The following NEURL4 variants were observed in gnomAD, a reference collection of about 807,000 sequenced individuals.
NEURL4 encodes neuralized E3 ubiquitin protein ligase 4, also known as neuralized-like protein 4.
Under a neutral mutation model 148.0 loss-of-function variants are expected in NEURL4, and 45 were observed. The ratio of observed to expected loss-of-function variants is 0.30; its 90% CI spans 0.24 to 0.39. The LOEUF (loss-of-function observed/expected upper bound fraction) is 0.39, where lower values mean the gene tolerates loss of function less well. Among genes scored for constraint, NEURL4 ranks in the 10% least tolerant of loss-of-function variants. The pLI, the probability that NEURL4 is intolerant of heterozygous loss-of-function variation, is 1.00. For missense variants in NEURL4, 1,776 were observed against 2,144.0 expected, an observed-to-expected ratio of 0.83 and a Z score of 3.39; for synonymous variants, 854 against 869.0, an observed-to-expected ratio of 0.98 and a Z score of 0.30.
Position 7,318,870 on chromosome 17 carries a change from C to T in NEURL4, c.3684+180G>A, listed in dbSNP as rs2072988107. 3.4e-6 allele frequency: 3 copies of T among 894,200 alleles called. No individual in the cohort carries two copies. The highest frequency in any genetic ancestry group is 5.0e-6 in the Non-Finnish European group (3 of 599,486). The allele number at this position is 894,200 out of a possible 1,614,324, so 55.4% of individuals were successfully genotyped here. On this transcript the variant is annotated intron_variant, in intron 22 of 28. Coordinates refer to ENST00000399464, the MANE Select transcript of NEURL4 (RefSeq NM_032442.3). The surrounding 1 kb of genome is among the most constrained non-coding windows in gnomAD (Gnocchi z 4.3). ...GGCACATTCTCAATGGCAGGGACAC[C>T]GCAGGAAGCAGCAGGCCTAAGACTG...
chr17:7,323,775 G>A (rs372759234), intron 12 of NEURL4, 39 bp downstream of exon 12: 12 of 1,613,804 alleles, frequency 7.4e-6, no homozygotes, highest in African/African-American at 2.7e-5. Context: ...CTGAGGCTGG[G>A]CAGGAGGAAG....
rs1387499692 is a variant in NEURL4, at chr17:7,324,121, A to G, written c.2049T>C (p.Ile683=). 1.2e-6 allele frequency: 2 copies of G among 1,613,002 alleles called. No homozygotes were observed. The highest frequency in any genetic ancestry group is 1.1e-5 in the South Asian group (1 of 91,088). Residue 683 remains isoleucine (I), a synonymous_variant, in exon 11 of 29, where the codon ATT becomes ATC. Transcript: ENST00000399464. The surrounding 1 kb of genome is among the most constrained non-coding windows in gnomAD (Gnocchi z 5.9). The part of the protein sequence containing the change: ...DLYGQAAQAT[I]VDDVEVAPVP... ...CCCGGCCCTCACCCACGTCGTCCAC[A>G]ATGGTGGCCTGGGCCGCCTGGCCAT...
At position 7,323,492 on chromosome 17, in the gene NEURL4, T is replaced by A; in HGVS notation, c.2410A>T (p.Met804Leu). ...CAAAGCAGGAAGCCCAACCTCAGCA[T>A]CCATGTGTCATAGTCAATGTCTGTC... ...TMTDIDYDTWMLSGTAIMQDG... is the reference protein window; with the variant it reads ...TMTDIDYDTWLLSGTAIMQDG... Residue 804 changes from methionine to leucine, a missense_variant, in exon 14 of 29, where the codon ATG becomes TTG. Met to Leu is a conservative substitution (Grantham distance 15, BLOSUM62 2). Coordinates refer to ENST00000399464, the MANE Select transcript of NEURL4 (RefSeq NM_032442.3). 2 of 1,614,158 alleles carry A rather than the reference T, an allele frequency of 1.2e-6. No individual in the cohort carries two copies. Among genetic ancestry groups the A allele is most frequent in the Non-Finnish European group, 1.7e-6 (2 of 1,180,006 alleles).
In NEURL4 at chr17:7,315,950, G is replaced by C. The variant is rs966331039; in HGVS notation, c.*173C>G. ...ACGGAGTGCTGGGCCTCCGGACATGGAGCTGTGCCACTTGCCACCTACATC... is the reference window on the plus strand; with the variant it reads ...ACGGAGTGCTGGGCCTCCGGACATGCAGCTGTGCCACTTGCCACCTACATC... On this transcript the variant is annotated 3_prime_UTR_variant, in exon 29 of 29. Transcript: ENST00000399464. 1 of 609,174 alleles carries C rather than the reference G, an allele frequency of 1.6e-6. No homozygotes were observed. Among genetic ancestry groups the C allele is most frequent in the African/African-American group, 1.8e-5 (1 of 54,226 alleles). The allele number at this position is 609,174 out of a possible 1,614,324, so 37.7% of individuals were successfully genotyped here.
rs377003628 is a variant in NEURL4, at chr17:7,326,892, C to A, written c.911G>T (p.Ser304Ile). 8.1e-6 allele frequency: 13 copies of A among 1,613,908 alleles called. No individual in the cohort carries two copies. In the African/African-American group the frequency reaches 1.7e-4, roughly 22 times the overall value. The part of the protein sequence containing the change: ...SPPAGEGLGS[S>I]GAATSPILTS... ...GAGAATGGGCGAGGTGGCAGCACCG[C>A]TAGATCCCAGGCCTTCCCCTGCCGG... Residue 304 changes from serine to isoleucine, a missense_variant, in exon 4 of 29, where the codon AGC becomes ATC. Transcript: ENST00000399464. The surrounding 1 kb of genome is among the most constrained non-coding windows in gnomAD (Gnocchi z 6.0).
In NEURL4 at chr17:7,326,812, T is replaced by C; in HGVS notation, c.991A>G (p.Ser331Gly). ...HEKCGTLIKLSNNNKTAERRR... is the reference protein window; with the variant it reads ...HEKCGTLIKLGNNNKTAERRR... ...CGCTCAGCCGTCTTATTATTGTTGCTGAGTTTGATGAGGGTCCCGCACTTT... is the reference window on the plus strand; with the variant it reads ...CGCTCAGCCGTCTTATTATTGTTGCCGAGTTTGATGAGGGTCCCGCACTTT... Residue 331 changes from serine (S) to glycine (G), a missense_variant, in exon 4 of 29, where the codon AGC (serine) becomes GGC (glycine). Ser to Gly is a moderately conservative substitution (Grantham distance 56). Transcript: ENST00000399464. The surrounding 1 kb of genome is among the most constrained non-coding windows in gnomAD (Gnocchi z 6.0). The C allele has an allele frequency of 6.2e-7, 1 of 1,612,894 alleles. No individual in the cohort carries two copies. The highest frequency in any genetic ancestry group is 8.5e-7 in the Non-Finnish European group (1 of 1,179,682).
Position 7,327,960 on chromosome 17 carries a change from TCA to T in NEURL4, c.283-78_283-77del. ...ACAGGCCACCATATCTTCCCACCTC[TCA>T]GACAGCTAGCTGGCTTTCTGTCTCT... On this transcript the variant is annotated intron_variant, in intron 1 of 28. Transcript: ENST00000399464. The surrounding 1 kb of genome is among the most constrained non-coding windows in gnomAD (Gnocchi z 6.6). The T allele has an allele frequency of 1.7e-6, 2 of 1,174,714 alleles. No individual in the cohort carries two copies. The highest frequency in any genetic ancestry group is 2.4e-6 in the Non-Finnish European group (2 of 847,476). The allele number at this position is 1,174,714 out of a possible 1,614,324, so 72.8% of individuals were successfully genotyped here.
Position 7,327,651 on chromosome 17 carries a change from C to G in NEURL4, c.516G>C (p.Trp172Cys). 1 of 1,613,720 alleles carries G rather than the reference C, an allele frequency of 6.2e-7. No individual in the cohort carries two copies. The highest frequency in any genetic ancestry group is 8.5e-7 in the Non-Finnish European group (1 of 1,179,992). Residue 172 changes from tryptophan (W) to cysteine (C), a missense_variant, in exon 2 of 29, where the codon TGG becomes TGC. Trp to Cys is a radical substitution (Grantham distance 215). Transcript: ENST00000399464. The surrounding 1 kb of genome is among the most constrained non-coding windows in gnomAD (Gnocchi z 6.6). ...ERTVAGELRL[W>C]VNGRDCGVAA... ...CCACACCGCAATCCCGCCCATTCAC[C>G]CAGAGCCGAAGCTCCCCAGCAACTG... is the stretch of plus-strand genomic sequence containing the variant.
chr17:7,324,756 C>T lies in NEURL4; in HGVS notation c.1813+43G>A. 1.3e-6 allele frequency: 2 copies of T among 1,592,370 alleles called. No individual in the cohort carries two copies. The highest frequency in any genetic ancestry group is 1.7e-6 in the Non-Finnish European group (2 of 1,161,488). ...GTGCCAGGGCTTTGGGGATAGCTTC[C>T]CCCCAAAACCCTATCCTGTCCCTGC... On this transcript the variant is annotated intron_variant, in intron 9 of 28. Transcript: ENST00000399464. This position sits in a 1 kb window ranked among gnomAD's most constrained non-coding sequence, Gnocchi z 5.9.
chr17:7,317,744 G>GAA, intron 26 of NEURL4, 44 bp downstream of exon 26: 1 of 1,605,658 alleles, frequency 6.2e-7, no homozygotes, highest in Non-Finnish European at 8.5e-7. Context: ...CGTTTCTCCA[G>GAA]GGGGAAAACA....
chr17:7,327,794 C>T lies in NEURL4; in HGVS notation c.373G>A (p.Gly125Arg), dbSNP rs778898477. 6 of 1,613,992 alleles carry T rather than the reference C, an allele frequency of 3.7e-6. No individual in the cohort carries two copies. Among genetic ancestry groups the T allele is most frequent in the South Asian group, 3.3e-5 (3 of 91,076 alleles). ...DFPSSATGLK[G>R]GSWVVSGCSV... ...CAGCCCGACACTACCCACGAGCCCCCCTTCAGGCCCGTGGCACTGCTTGGA... is the reference window on the plus strand; with the variant it reads ...CAGCCCGACACTACCCACGAGCCCCTCTTCAGGCCCGTGGCACTGCTTGGA... The change falls in exon 2 of 29, where the codon GGG (glycine) becomes AGG (arginine). Residue 125 changes from glycine to arginine, a missense_variant. Physicochemically the swap from Gly to Arg is moderately radical, Grantham distance 125. Coordinates refer to ENST00000399464, the MANE Select transcript of NEURL4 (RefSeq NM_032442.3). The surrounding 1 kb of genome is among the most constrained non-coding windows in gnomAD (Gnocchi z 6.6).
rs767376140 is a variant in NEURL4, at chr17:7,324,226, G to A, written c.1944C>T (p.Leu648=). The A allele has an allele frequency of 4.3e-6, 7 of 1,613,628 alleles. No individual in the cohort carries two copies. Among genetic ancestry groups the A allele is most frequent in the Admixed American group, 3.3e-5 (2 of 60,010 alleles). ...GAGTCATCCCATTGACAAAGAAGTGGAGAGTCCCGTCCTCCCGCCGTACCA... is the reference window on the plus strand; with the variant it reads ...GAGTCATCCCATTGACAAAGAAGTGAAGAGTCCCGTCCTCCCGCCGTACCA... ...VGVVRREDGT[L]HFFVNGMTQG... is the part of the protein sequence containing the mutation. The change falls in exon 11 of 29, where the codon CTC becomes CTT. Residue 648 remains leucine (L), a synonymous_variant. Coordinates refer to ENST00000399464, the MANE Select transcript of NEURL4 (RefSeq NM_032442.3). This position sits in a 1 kb window ranked among gnomAD's most constrained non-coding sequence, Gnocchi z 5.9.
rs1222090664 is a variant in NEURL4, at chr17:7,326,787, C to T, written c.1016G>A (p.Arg339His). Residue 339 changes from arginine (R) to histidine (H), a missense_variant, in exon 4 of 29, where the codon CGC (arginine) becomes CAC (histidine). Arg to His is a conservative substitution (Grantham distance 29, BLOSUM62 0). Transcript: ENST00000399464. This position sits in a 1 kb window ranked among gnomAD's most constrained non-coding sequence, Gnocchi z 6.0. ...GTTGAATTCATCCAGGGGCCGCCGG[C>T]GCTCAGCCGTCTTATTATTGTTGCT... ...KLSNNNKTAERRRPLDEFNNG... is the reference protein window; with the variant it reads ...KLSNNNKTAEHRRPLDEFNNG... 5.0e-6 allele frequency: 8 copies of T among 1,613,260 alleles called. No homozygotes were observed. Among genetic ancestry groups the T allele is most frequent in the South Asian group, 1.1e-5 (1 of 90,956 alleles).
Position 7,324,402 on chromosome 17 carries a change from C to A in NEURL4, c.1892G>T (p.Arg631Leu). 1 of 1,614,126 alleles carries A rather than the reference C, an allele frequency of 6.2e-7. No homozygotes were observed. The highest frequency in any genetic ancestry group is 8.5e-7 in the Non-Finnish European group (1 of 1,179,986). The change falls in exon 10 of 29, where the codon CGC (arginine) becomes CTC (leucine). Residue 631 changes from arginine to leucine, a missense_variant. Coordinates refer to ENST00000399464, the MANE Select transcript of NEURL4 (RefSeq NM_032442.3). The surrounding 1 kb of genome is among the most constrained non-coding windows in gnomAD (Gnocchi z 5.9). ...GCGCACCCACTTTCCCACCTTGAGG[C>A]GGTCCAGATTGTGCCCGTATTCATC... is the stretch of plus-strand genomic sequence containing the variant. ...ILDEYGHNLDRLKAGDTVGVV... is the reference protein window; with the variant it reads ...ILDEYGHNLDLLKAGDTVGVV...
chr17:7,323,523 G>T lies in NEURL4; in HGVS notation c.2379C>A (p.Asn793Lys). 6.2e-7 allele frequency: 1 copy of T among 1,614,250 alleles called. No individual in the cohort carries two copies. Among genetic ancestry groups the T allele is most frequent in the Non-Finnish European group, 8.5e-7 (1 of 1,180,050 alleles). Residue 793 changes from asparagine to lysine, a missense_variant, in exon 14 of 29, where the codon AAC becomes AAA. Asn to Lys is a moderately conservative substitution (Grantham distance 94). Transcript: ENST00000399464. ...TGTCATAGTCAATGTCTGTCATGGT[G>T]TTGGGGAATTCCAGGTCTTCAGGCC... ...AIRPEDLEFP[N>K]TMTDIDYDTW...
In NEURL4 at chr17:7,322,884, G is replaced by A. The variant is rs780380495; in HGVS notation, c.2594-18C>T. On this transcript the variant is annotated intron_variant, in intron 15 of 28. Coordinates refer to ENST00000399464, the MANE Select transcript of NEURL4 (RefSeq NM_032442.3). The surrounding 1 kb of genome is among the most constrained non-coding windows in gnomAD (Gnocchi z 5.5). Reference sequence around the variant, plus strand: ...ATACACCTCTGGGGAGGAGAGGGAAGGTCAGAAGCCTGACAGCCAGGTGGT... The same window carrying A: ...ATACACCTCTGGGGAGGAGAGGGAAAGTCAGAAGCCTGACAGCCAGGTGGT... 1.2e-6 allele frequency: 2 copies of A among 1,611,576 alleles called. No individual in the cohort carries two copies. The highest frequency in any genetic ancestry group is 2.2e-5 in the South Asian group (2 of 91,052).
Position 7,320,850 on chromosome 17 carries a change from G to C in NEURL4, c.3434C>G (p.Ser1145Cys), listed in dbSNP as rs980476105. ...CCGTGTGGCCGTACGGTTCCCATTA[G>C]ACAAAAGGATATTCTTCCCATGGTT... ...LENHGKNILL[S>C]NGNRTATRVA... The change falls in exon 21 of 29, where the codon TCT (serine) becomes TGT (cysteine). Residue 1145 changes from serine (S) to cysteine (C), a missense_variant. Coordinates refer to ENST00000399464, the MANE Select transcript of NEURL4 (RefSeq NM_032442.3). 6.2e-7 allele frequency: 1 copy of C among 1,614,110 alleles called. No homozygotes were observed. Among genetic ancestry groups the C allele is most frequent in the Non-Finnish European group, 8.5e-7 (1 of 1,179,996 alleles).
rs370140044 is a variant in NEURL4, at chr17:7,324,563, G to A, written c.1814-83C>T. ...CCACAGCAGCGCCCACAGGACTCCC[G>A]AGCCCACAGTCCACCTTGCCTTTTC... On this transcript the variant is annotated intron_variant, in intron 9 of 28. Coordinates refer to ENST00000399464, the MANE Select transcript of NEURL4 (RefSeq NM_032442.3). This position sits in a 1 kb window ranked among gnomAD's most constrained non-coding sequence, Gnocchi z 5.9. 2.2e-5 allele frequency: 29 copies of A among 1,310,210 alleles called. No homozygotes were observed. Among genetic ancestry groups the A allele is most frequent in the Admixed American group, 8.8e-5 (5 of 56,642 alleles). 81.2% of individuals were successfully genotyped at this position (1,310,210 alleles called of 1,614,324 possible). A position where few individuals can be genotyped will look rare whatever the true frequency, so the allele number is the denominator to read the frequency against.
rs766637585 is a variant in NEURL4 at position 7,324,344 on chromosome 17, G to C, written c.1899+51C>G. On this transcript the variant is annotated intron_variant, in intron 10 of 28. Transcript: ENST00000399464. The surrounding 1 kb of genome is among the most constrained non-coding windows in gnomAD (Gnocchi z 5.9). ...GGGGCTGGTCCTGCATCAGCCCCGC[G>C]GTGTTTGTGATGCCCGCTGCGGCCG... is the stretch of plus-strand genomic sequence containing the variant. The C allele has an allele frequency of 1.9e-6, 3 of 1,613,688 alleles. No individual in the cohort carries two copies. The highest frequency in any genetic ancestry group is 2.7e-5 in the African/African-American group (2 of 74,934).
Sources: allele counts gnomAD v4.1 joint callset, GRCh38; gene constraint gnomAD v4.1.1; non-coding constraint Gnocchi (gnomAD v3.1); transcripts MANE v1.5; gene names NCBI Gene and HGNC (gene_info 2026-07-23, HGNC 2026-07-21).